AGPAT5: variants seen among roughly 807,000 people sequenced by gnomAD.
The protein encoded by AGPAT5 is 1-acyl-sn-glycerol-3-phosphate acyltransferase epsilon.
A neutral mutation model predicts 45.6 loss-of-function variants in AGPAT5; 46 were observed. The observed-to-expected ratio is 1.01, with a 90% CI of 0.80 to 1.29. The LOEUF is 1.29. Among genes scored for constraint, AGPAT5 ranks in the 50% most tolerant of loss-of-function variants. The pLI is 0.00. For synonymous variants in AGPAT5, 272 were observed against 167.0 expected (o/e 1.63, Z -4.85); for missense variants, 673 against 450.7 (o/e 1.49, Z -4.47).
At chr8:6,755,640 C>T (rs1263481116) in intron 7 of AGPAT5, among the ~76,000 whole-genome samples, 1 of 152,188 alleles carries the variant, frequency 6.6e-6, no homozygotes, top group Non-Finnish European at 1.5e-5. Context: ...GGGCAGTTGA[C>T]AGCGTTATAT....
At chr8:6,754,383 G>A (rs1041462357) in intron 6 of AGPAT5, among the ~76,000 whole-genome samples, 2 of 152,188 alleles carry the variant, frequency 1.3e-5, no homozygotes, top group African/African-American at 4.8e-5. Flanking sequence ...GCAAGTATCA[G>A]GAAAGCAAGG....
intron 1 of AGPAT5, among the ~76,000 whole-genome samples, chr8:6,711,400 C>T (rs1800151663): frequency 1.3e-5 from 2 of 152,180 alleles, no homozygotes; most frequent in East Asian, 1.9e-4. Flanking sequence ...CCTTATAACT[C>T]GTTTATCCTT....
At position 6,721,839 on chromosome 8, in the gene AGPAT5, G is replaced by GTTTTAT. The variant is rs561266110; in HGVS notation, c.220-3012_220-3007dup. Reference sequence around the variant, plus strand: ...ATTTTTACATGCACAGGGAAGGAGGGTTTTATTTTTATTTTTATTTTTATC... The same window carrying GTTTTAT: ...ATTTTTACATGCACAGGGAAGGAGGGTTTTATTTTTATTTTTATTTTTATTTTTATC... On this transcript the variant is annotated intron_variant, in intron 1 of 7. Coordinates refer to ENST00000285518, the MANE Select transcript of AGPAT5 (RefSeq NM_018361.5). 7.9e-3 allele frequency among the ~76,000 whole-genome samples: 1,203 copies of GTTTTAT among 152,088 alleles called. 19 individuals are homozygous for GTTTTAT. Among genetic ancestry groups the GTTTTAT allele is most frequent in the African/African-American group, 0.028 (1,156 of 41,462 alleles).
intron 6 of AGPAT5, among the ~76,000 whole-genome samples, chr8:6,754,044 G>A (rs1261519914): frequency 6.6e-6 from 1 of 152,126 alleles, no homozygotes; most frequent in Admixed American, 6.6e-5. Flanking sequence ...TCAATTTGAG[G>A]CCAAAGGTCT....
chr8:6,728,343 A>G (rs2980684), intron 2 of AGPAT5, among the ~76,000 whole-genome samples: 115,110 of 152,244 alleles, frequency 0.76, 44,661 homozygotes, highest in African/African-American at 0.92. Context: ...CTGTAATCTG[A>G]TGTCCTATCT....
Position 6,708,979 on chromosome 8 carries a change from C to G in AGPAT5, c.219+92C>G, listed in dbSNP as rs766642940. ...TCCCCCACAGCTGGCGAGGGTCACC[C>G]GGCCGGCCCGGCGGACCCAGCACGG... is the stretch of plus-strand genomic sequence containing the variant. On this transcript the variant is annotated intron_variant, in intron 1 of 7. Transcript: ENST00000285518. 9.5e-6 allele frequency: 12 copies of G among 1,265,698 alleles called. No homozygotes were observed. The African/African-American group carries it at 1.6e-4, about 17-fold the overall frequency. The allele number at this position is 1,265,698 out of a possible 1,614,324, so 78.4% of individuals were successfully genotyped here. A position where few individuals can be genotyped will look rare whatever the true frequency, so the allele number is the denominator to read the frequency against.
At position 6,758,421 on chromosome 8, in the gene AGPAT5, C is replaced by T. The variant is rs1410311809; in HGVS notation, c.*1033C>T. ...TGGGCTCTGGTCCTTCCCTTGGATC[C>T]CGTCAGTGGTGCTGCTCAGCGGCTT... On this transcript the variant is annotated 3_prime_UTR_variant, in exon 8 of 8. Transcript: ENST00000285518. The T allele has an allele frequency of 6.6e-6, 1 of 152,660 alleles. No homozygotes were observed. The highest frequency in any genetic ancestry group is 1.5e-5 in the Non-Finnish European group (1 of 68,060). 9.5% of individuals were successfully genotyped at this position (152,660 alleles called of 1,614,324 possible).
chr8:6,734,862 A>T (rs1800991737), intron 4 of AGPAT5, among the ~76,000 whole-genome samples: 1 of 152,014 alleles, frequency 6.6e-6, no homozygotes, highest in African/African-American at 2.4e-5. Context: ...TGTAGAACTC[A>T]TTACTTTGTT....
intron 5 of AGPAT5, among the ~76,000 whole-genome samples, chr8:6,742,566 T>C (rs142308481): frequency 0.011 from 1,655 of 152,358 alleles, 22 homozygotes; most frequent in Middle Eastern, 0.02. Flanking sequence ...AATGGAACTT[T>C]CTGCAATAAT....
intron 5 of AGPAT5, among the ~76,000 whole-genome samples, chr8:6,747,108 T>C (rs1025848140): frequency 6.6e-6 from 1 of 152,240 alleles, no homozygotes; most frequent in Non-Finnish European, 1.5e-5. Flanking sequence ...ATAGCCAAAG[T>C]ATGGATGCAA....
chr8:6,710,369 G>A (rs114761871), intron 1 of AGPAT5, among the ~76,000 whole-genome samples: 1,648 of 152,124 alleles, frequency 0.011, 26 homozygotes, highest in African/African-American at 0.038. Flanking sequence ...TCCCCCCACC[G>A]TCTGTTCAAA....
Position 6,759,947 on chromosome 8 carries a change from TTAAC to T in AGPAT5, c.*2563_*2566del, listed in dbSNP as rs1263775101. ...AGTGAAACATGTCAAATGCCTTAAA[TTAAC>T]TAAGTTGGTGAATAAAAGTGCCGAT... On this transcript the variant is annotated 3_prime_UTR_variant, in exon 8 of 8. Coordinates refer to ENST00000285518, the MANE Select transcript of AGPAT5 (RefSeq NM_018361.5). Among the ~76,000 whole-genome samples, 1 of 152,254 alleles carries T rather than the reference TTAAC, an allele frequency of 6.6e-6. No individual in the cohort carries two copies. Among genetic ancestry groups the T allele is most frequent in the African/African-American group, 2.4e-5 (1 of 41,480 alleles).
intron 1 of AGPAT5, among the ~76,000 whole-genome samples, chr8:6,717,791 A>G (rs2116862233): frequency 6.7e-6 from 1 of 149,616 alleles, no homozygotes; most frequent in East Asian, 1.9e-4. Flanking sequence ...TTGGTTTTTA[A>G]TTTTACTCCT....
chr8:6,752,184 A>G (rs543020776), intron 6 of AGPAT5, among the ~76,000 whole-genome samples: 3 of 152,184 alleles, frequency 2.0e-5, no homozygotes, highest in Non-Finnish European at 2.9e-5. Flanking sequence ...CTAAAAAAAA[A>G]GGGATCAGGG....
intron 7 of AGPAT5, 21 bp from the exon 8 acceptor site, chr8:6,757,142 C>A: frequency 6.3e-7 from 1 of 1,591,592 alleles, no homozygotes; most frequent in Non-Finnish European, 8.6e-7. Flanking sequence ...AAAATCTAAA[C>A]TTTTTCCATT....
rs776902912 is a variant in AGPAT5 at position 6,724,867 on chromosome 8, T to C, written c.220-3T>C. ...AGTAATGTTTTTTTGTTTTATCTTT[T>C]AGATATTGCTATATGGAGATTTGCC... On this transcript the variant is annotated splice_region_variant and splice_polypyrimidine_tract_variant and intron_variant, in intron 1 of 7. Coordinates refer to ENST00000285518, the MANE Select transcript of AGPAT5 (RefSeq NM_018361.5). 4.2e-6 allele frequency: 4 copies of C among 952,574 alleles called. No individual in the cohort carries two copies. Among genetic ancestry groups the C allele is most frequent in the Middle Eastern group, 3.2e-4 (1 of 3,124 alleles). The allele number at this position is 952,574 out of a possible 1,614,324, so 59.0% of individuals were successfully genotyped here. A position where few individuals can be genotyped will look rare whatever the true frequency, so the allele number is the denominator to read the frequency against.
At chr8:6,756,691 C>T (rs1374460794) in intron 7 of AGPAT5, among the ~76,000 whole-genome samples, 1 of 151,424 alleles carries the variant, frequency 6.6e-6, no homozygotes, top group African/African-American at 2.4e-5. Context: ...ATATCAGGGA[C>T]TTGAGCATCC....
chr8:6,730,841 T>C lies in AGPAT5; in HGVS notation c.405+15T>C, dbSNP rs376882196. 6.4e-7 allele frequency: 1 copy of C among 1,568,888 alleles called. No individual in the cohort carries two copies. Among genetic ancestry groups the C allele is most frequent in the Non-Finnish European group, 8.8e-7 (1 of 1,140,622 alleles). On this transcript the variant is annotated intron_variant, in intron 3 of 7. Coordinates refer to ENST00000285518, the MANE Select transcript of AGPAT5 (RefSeq NM_018361.5). ...ACTTTGCTCAGGTAACTTGTTTCCA[T>C]GCTTTTCTCTCTATATATGTAGTTT...
rs1423806888 is a variant in AGPAT5, at chr8:6,755,056, C to T, written c.751C>T (p.Leu251Phe). Reference sequence around the variant, plus strand: ...TTATTTTTGTTCTTTGTTAGAATTTCTCTGCAAAGAATGTCCAAAAATTCA... The same window carrying T: ...TTATTTTTGTTCTTTGTTAGAATTTTTCTGCAAAGAATGTCCAAAAATTCA... ...RRESPTMTEF[L>F]CKECPKIHIH... Residue 251 changes from leucine (L) to phenylalanine (F), a missense_variant, in exon 7 of 8, where the codon CTC becomes TTC. Leu to Phe is a conservative substitution (Grantham distance 22). Transcript: ENST00000285518. 6.3e-6 allele frequency: 10 copies of T among 1,579,486 alleles called. No homozygotes were observed. The highest frequency in any genetic ancestry group is 1.2e-5 in the South Asian group (1 of 84,396).
Sources: gnomAD v4.1 joint callset for allele counts (sites outside exome capture counted in the v4.1 genomes callset) on GRCh38, gnomAD v4.1.1 for gene constraint, MANE v1.5 for transcripts, NCBI Gene and HGNC (gene_info 2026-07-23, HGNC 2026-07-21) for gene names.